The following DENND5B variants were observed in gnomAD, a reference collection of about 807,000 sequenced individuals.
DENND5B encodes the protein DENN domain-containing protein 5B.
Under a neutral mutation model 140.6 loss-of-function variants are expected in DENND5B, and 34 were observed. The observed-to-expected ratio is 0.24, with a 90% CI of 0.18 to 0.32. The LOEUF is 0.32. Among genes scored for constraint, DENND5B ranks in the 10% least tolerant of loss-of-function variants. The pLI, the probability that DENND5B is intolerant of heterozygous loss-of-function variation, is 1.00. For synonymous variants in DENND5B, 551 were observed against 562.1 expected (o/e 0.98, Z 0.28); for missense variants, 1,142 against 1,560.2 (o/e 0.73, Z 4.52).
intron 17 of DENND5B, among the ~76,000 whole-genome samples, chr12:31,396,823 T>C (rs1941498721): frequency 6.6e-6 from 1 of 152,238 alleles, no homozygotes; most frequent in Non-Finnish European, 1.5e-5. Flanking sequence ...GGTTTTGCTA[T>C]GTTGGCCAGG....
chr12:31,582,505 T>A (rs1950237477), intron 1 of DENND5B, among the ~76,000 whole-genome samples: 1 of 152,238 alleles, frequency 6.6e-6, no homozygotes, highest in Admixed American at 6.5e-5. Flanking sequence ...GCAAAGAGGT[T>A]TTTTAAAAAG....
intron 1 of DENND5B, among the ~76,000 whole-genome samples, chr12:31,586,016 G>A (rs1329363673): frequency 2.0e-5 from 3 of 152,132 alleles, no homozygotes; most frequent in Admixed American, 6.5e-5. Flanking sequence ...AAGGTACTAC[G>A]AAAGAGGCAA....
chr12:31,392,648 T>G lies in DENND5B; in HGVS notation c.3305A>C (p.Asn1102Thr). 3 of 1,558,600 alleles carry G rather than the reference T, an allele frequency of 1.9e-6. No homozygotes were observed. The highest frequency in any genetic ancestry group is 2.6e-6 in the Non-Finnish European group (3 of 1,150,030). ...AGGTTTATGAAAATGTTTCACAATA[T>G]TGTTCACAGCTTCTCCAATTCCTTC... ...IQEGIGEAVN[N>T]IVKHFHKPEK... Residue 1102 changes from asparagine (N) to threonine (T), a missense_variant, in exon 18 of 21, where the codon AAT (asparagine) becomes ACT (threonine). Coordinates refer to ENST00000389082, the MANE Select transcript of DENND5B (RefSeq NM_144973.4).
At chr12:31,523,076 A>T (rs563875966) in intron 1 of DENND5B, among the ~76,000 whole-genome samples, 2,413 of 137,476 alleles carry the variant, frequency 0.018, 66 homozygotes, top group African/African-American at 0.061. Context: ...TTTTTTTTTT[A>T]AAGAAAAAGC....
Position 31,387,476 on chromosome 12 carries a change from G to T in DENND5B, c.*127C>A. 1.1e-6 allele frequency: 1 copy of T among 924,434 alleles called. No homozygotes were observed. The highest frequency in any genetic ancestry group is 1.6e-6 in the Non-Finnish European group (1 of 616,182). The allele number at this position is 924,434 out of a possible 1,614,324, so 57.3% of individuals were successfully genotyped here. A position where few individuals can be genotyped will look rare whatever the true frequency, so the allele number is the denominator to read the frequency against. On this transcript the variant is annotated 3_prime_UTR_variant, in exon 21 of 21. Coordinates refer to ENST00000389082, the MANE Select transcript of DENND5B (RefSeq NM_144973.4). The stretch of plus-strand genomic sequence containing the variant: ...ACATTTTGCCTTGTCTGTAGAGTGA[G>T]GATTGTTCCAAATGGGGCATATGTT...
rs776073879 is a variant in DENND5B at position 31,386,622 on chromosome 12, C to G, written c.*981G>C. 2 of 152,272 alleles carry G rather than the reference C, an allele frequency of 1.3e-5. No individual in the cohort carries two copies. The highest frequency in any genetic ancestry group is 2.9e-5 in the Non-Finnish European group (2 of 68,078). 9.4% of individuals were successfully genotyped at this position (152,272 alleles called of 1,614,324 possible). A position where few individuals can be genotyped will look rare whatever the true frequency, so the allele number is the denominator to read the frequency against. On this transcript the variant is annotated 3_prime_UTR_variant, in exon 21 of 21. Coordinates refer to ENST00000389082, the MANE Select transcript of DENND5B (RefSeq NM_144973.4). Reference sequence around the variant, plus strand: ...ACAGCCCTCCTCCTCCTTAGACATTCCTTCCATTTCCCGAGGGGGGATGGG... The same window carrying G: ...ACAGCCCTCCTCCTCCTTAGACATTGCTTCCATTTCCCGAGGGGGGATGGG...
intron 14 of DENND5B, among the ~76,000 whole-genome samples, chr12:31,408,900 G>C (rs1475404323): frequency 1.3e-5 from 2 of 152,198 alleles, no homozygotes; most frequent in African/African-American, 4.8e-5. Flanking sequence ...GAGAAGGAAA[G>C]CAGGATTGGT....
In DENND5B at chr12:31,590,961, G is replaced by C; in HGVS notation, c.-129C>G. ...GCGACACTGGCGCGCCCATGGCCGC[G>C]CAGCCGCCTCTCGCCGCCGCAGCCT... On this transcript the variant is annotated 5_prime_UTR_variant, in exon 1 of 21. Transcript: ENST00000389082. 9.7e-7 allele frequency: 1 copy of C among 1,031,898 alleles called. No homozygotes were observed. Among genetic ancestry groups the C allele is most frequent in the African/African-American group, 1.7e-5 (1 of 58,572 alleles). 63.9% of individuals were successfully genotyped at this position (1,031,898 alleles called of 1,614,324 possible).
In DENND5B at chr12:31,424,665, T is replaced by C. The variant is rs1943157851; in HGVS notation, c.2261A>G (p.Lys754Arg). 1 of 1,613,996 alleles carries C rather than the reference T, an allele frequency of 6.2e-7. No homozygotes were observed. Among genetic ancestry groups the C allele is most frequent in the Non-Finnish European group, 8.5e-7 (1 of 1,179,882 alleles). ...RMKTKRMLVE[K>R]MGHEAVELGH... is the part of the protein sequence containing the mutation. ...AAGTTCCACCGCTTCATGTCCCATCTTCTCCACCAACATGCGCTTTGTCTA... is the reference window on the plus strand; with the variant it reads ...AAGTTCCACCGCTTCATGTCCCATCCTCTCCACCAACATGCGCTTTGTCTA... Residue 754 changes from lysine (K) to arginine (R), a missense_variant, in exon 10 of 21, where the codon AAG becomes AGG. By Grantham distance (26) the Lys-to-Arg change is conservative. Coordinates refer to ENST00000389082, the MANE Select transcript of DENND5B (RefSeq NM_144973.4).
intron 1 of DENND5B, chr12:31,500,505 C>T (rs1299461372): frequency 2.6e-6 from 1 of 382,798 alleles, no homozygotes; most frequent in Non-Finnish European, 5.1e-6. Context: ...CATGGTGAAA[C>T]CTCATCTCTA....
intron 1 of DENND5B, among the ~76,000 whole-genome samples, chr12:31,577,704 C>A: frequency 1.1e-5 from 1 of 93,888 alleles, no homozygotes; most frequent in Admixed American, 1.3e-4. Flanking sequence ...GAACGAGACT[C>A]TGTCTCAAAA....
At chr12:31,551,478 G>C (rs1244675973) in intron 1 of DENND5B, among the ~76,000 whole-genome samples, 1 of 152,160 alleles carries the variant, frequency 6.6e-6, no homozygotes, top group Non-Finnish European at 1.5e-5. Context: ...TTGTAGTATA[G>C]TTTGAAGTCA....
chr12:31,475,114 A>G (rs11051443), intron 3 of DENND5B, among the ~76,000 whole-genome samples: 1,945 of 152,248 alleles, frequency 0.013, 169 homozygotes, highest in Admixed American at 0.11. Context: ...CTCCTCCTCA[A>G]CAAAAAATGC....
chr12:31,437,231 C>T (rs1388089504), intron 7 of DENND5B, among the ~76,000 whole-genome samples: 1 of 151,910 alleles, frequency 6.6e-6, no homozygotes, highest in Non-Finnish European at 1.5e-5. Flanking sequence ...CAAGCTCTGC[C>T]TCCCGGGTTC....
intron 11 of DENND5B, among the ~76,000 whole-genome samples, chr12:31,418,163 A>C (rs1942845939): frequency 6.6e-6 from 1 of 152,188 alleles, no homozygotes; most frequent in African/African-American, 2.4e-5. Flanking sequence ...GGGAGTTTCA[A>C]TGGGGCACTA....
At chr12:31,533,798 G>C (rs185249726) in intron 1 of DENND5B, among the ~76,000 whole-genome samples, 10 of 152,176 alleles carry the variant, frequency 6.6e-5, no homozygotes, top group African/African-American at 2.2e-4. Flanking sequence ...AGGGGAGGCA[G>C]TATACAACAT....
chr12:31,416,344 A>C (rs1942738892), intron 11 of DENND5B, among the ~76,000 whole-genome samples: 1 of 151,392 alleles, frequency 6.6e-6, no homozygotes, highest in African/African-American at 2.4e-5. Context: ...GCTCACTGCA[A>C]CCTCCGCCTC....
intron 14 of DENND5B, 102 bp downstream of exon 14, chr12:31,409,161 C>G (rs1417502381): frequency 1.6e-6 from 2 of 1,234,212 alleles, no homozygotes; most frequent in Non-Finnish European, 2.1e-6. Flanking sequence ...GCGTATGTCA[C>G]AATGTCACAT....
At chr12:31,426,899 T>A (rs1400791374) in intron 8 of DENND5B, 1 of 157,798 alleles carries the variant, frequency 6.3e-6, no homozygotes, top group Non-Finnish European at 1.4e-5. Context: ...AACCCTTTGC[T>A]CTATAATCAA....
Sources: gnomAD v4.1 joint callset for allele counts (sites outside exome capture counted in the v4.1 genomes callset) on GRCh38, gnomAD v4.1.1 for gene constraint, MANE v1.5 for transcripts, NCBI Gene and HGNC (gene_info 2026-07-23, HGNC 2026-07-21) for gene names.